Variants in ERP44 observed in about 807,000 individuals in gnomAD.
ERP44 encodes endoplasmic reticulum resident protein 44.
In ERP44, 25 loss-of-function variants were observed where a neutral mutation model predicts 53.4. The observed-to-expected ratio is 0.47, with a 90% CI of 0.34 to 0.65. The LOEUF is 0.65. ERP44 is among the 30% of genes least tolerant of loss of function. The pLI, the probability that ERP44 is intolerant of heterozygous loss-of-function variation, is 0.01. For missense variants in ERP44, 338 were observed against 493.2 expected, an observed-to-expected ratio of 0.69 and a Z score of 2.98; for synonymous variants, 145 against 161.2, an observed-to-expected ratio of 0.90 and a Z score of 0.76.
chr9:100,010,915 A>C (rs1156445288), intron 8 of ERP44, among the ~76,000 whole-genome samples: 1 of 151,498 alleles, frequency 6.6e-6, no homozygotes, highest in Admixed American at 6.6e-5. Context: ...AAAAAAAAAA[A>C]AGAGAAAAGC....
At chr9:100,067,968 G>A (rs1240621948) in intron 1 of ERP44, among the ~76,000 whole-genome samples, 4 of 150,218 alleles carry the variant, frequency 2.7e-5, no homozygotes, top group African/African-American at 9.8e-5. Context: ...CAGCCACCCC[G>A]TCCGGGAGGG....
chr9:99,996,592 C>A (rs565195029), intron 10 of ERP44, among the ~76,000 whole-genome samples: 1 of 151,900 alleles, frequency 6.6e-6, no homozygotes. Context: ...TTAGTAAGTT[C>A]TTTAGTGGTG....
intron 1 of ERP44, among the ~76,000 whole-genome samples, chr9:100,078,035 A>G (rs1826378255): frequency 6.6e-6 from 1 of 152,264 alleles, no homozygotes; most frequent in Non-Finnish European, 1.5e-5. Flanking sequence ...CAGAATGGGT[A>G]GAACAAGGCA....
chr9:100,014,782 A>G (rs1409483579), intron 8 of ERP44, among the ~76,000 whole-genome samples: 1 of 152,248 alleles, frequency 6.6e-6, no homozygotes, highest in Non-Finnish European at 1.5e-5. Flanking sequence ...AAAGGCTAAC[A>G]TACTTACTAT....
chr9:100,061,295 T>C (rs1826144050), intron 1 of ERP44, among the ~76,000 whole-genome samples: 1 of 151,648 alleles, frequency 6.6e-6, no homozygotes, highest in South Asian at 2.1e-4. Flanking sequence ...AATACAAAAA[T>C]TAGCCGGGCA....
chr9:100,065,015 G>A (rs931799172), intron 1 of ERP44, among the ~76,000 whole-genome samples: 122 of 152,068 alleles, frequency 8.0e-4, no homozygotes, highest in African/African-American at 2.9e-3. Context: ...TTTAAAATAC[G>A]TTTAGTATTG....
At chr9:100,096,414 A>G (rs1213654952) in intron 1 of ERP44, among the ~76,000 whole-genome samples, 1 of 151,690 alleles carries the variant, frequency 6.6e-6, no homozygotes, top group East Asian at 1.9e-4. Flanking sequence ...TATATAAAAG[A>G]TATATATACA....
chr9:100,048,074 A>G (rs1444415693), intron 4 of ERP44, among the ~76,000 whole-genome samples: 3 of 152,102 alleles, frequency 2.0e-5, no homozygotes, highest in Non-Finnish European at 1.5e-5. Context: ...ATAAACAAAC[A>G]AACGAACAAA....
At position 100,074,414 on chromosome 9, in the gene ERP44, G is replaced by A. The variant is rs1008637697; in HGVS notation, c.58-14242C>T. 5.3e-5 allele frequency among the ~76,000 whole-genome samples: 8 copies of A among 152,248 alleles called. No individual in the cohort carries two copies. In the South Asian group the frequency reaches 1.0e-3, roughly 20 times the overall value. ...GGCTAATTAATCACGGTGTTCCTAG[G>A]AGTGAAATTGATAGGAAGCCTACTG... On this transcript the variant is annotated intron_variant, in intron 1 of 11. Transcript: ENST00000262455.
chr9:100,042,175 T>A (rs915438074), intron 4 of ERP44, among the ~76,000 whole-genome samples: 6 of 152,186 alleles, frequency 3.9e-5, no homozygotes, highest in African/African-American at 1.2e-4. Flanking sequence ...AAGGGATTAA[T>A]AATGAAAATA....
chr9:100,079,507 T>C (rs1396261233), intron 1 of ERP44, among the ~76,000 whole-genome samples: 6 of 151,750 alleles, frequency 4.0e-5, no homozygotes, highest in Admixed American at 3.9e-4. Context: ...AAACATATTG[T>C]TCACTGCCAC....
intron 1 of ERP44, among the ~76,000 whole-genome samples, chr9:100,064,268 T>C (rs562690858): frequency 6.6e-6 from 1 of 152,304 alleles, no homozygotes; most frequent in East Asian, 1.9e-4. Context: ...ACCCTGTTTG[T>C]ACACAAGAAA....
chr9:99,983,440 G>C (rs1270994382), intron 11 of ERP44, among the ~76,000 whole-genome samples: 1 of 151,298 alleles, frequency 6.6e-6, no homozygotes, highest in Non-Finnish European at 1.5e-5. Context: ...AGCTACTCGG[G>C]AGGCTGAGGC....
intron 4 of ERP44, among the ~76,000 whole-genome samples, chr9:100,026,226 G>T (rs1411734155): frequency 6.6e-6 from 1 of 152,190 alleles, no homozygotes; most frequent in Non-Finnish European, 1.5e-5. Context: ...GGGTCACAAA[G>T]ACGAAAAATC....
chr9:100,051,815 G>A (rs1259851679), intron 4 of ERP44, among the ~76,000 whole-genome samples: 1 of 152,128 alleles, frequency 6.6e-6, no homozygotes, highest in Non-Finnish European at 1.5e-5. Context: ...GGATTTTATA[G>A]AGAATGCTCC....
At chr9:100,096,525 A>G (rs1826631958) in intron 1 of ERP44, among the ~76,000 whole-genome samples, 1 of 152,116 alleles carries the variant, frequency 6.6e-6, no homozygotes, top group Admixed American at 6.5e-5. Context: ...AAATGCTTTG[A>G]GATCAGGGAA....
chr9:100,068,203 G>C, intron 1 of ERP44, among the ~76,000 whole-genome samples: 1 of 149,464 alleles, frequency 6.7e-6, no homozygotes, highest in South Asian at 2.1e-4. Context: ...CGGGAGGGAG[G>C]TAGGGGGGTC....
intron 10 of ERP44, chr9:99,999,159 G>A (rs1003055543): frequency 3.6e-6 from 2 of 549,882 alleles, no homozygotes. Context: ...CCAGGGCTCC[G>A]CCCCCCGACC....
At chr9:100,022,271 G>A (rs1463141503) in intron 4 of ERP44, 45 bp from the exon 5 acceptor site, 2 of 1,488,272 alleles carry the variant, frequency 1.3e-6, no homozygotes, top group Non-Finnish European at 9.0e-7. Context: ...TGTAGTCAGG[G>A]CAAGCCTGTT....
Sources: allele counts gnomAD v4.1 joint callset (sites outside exome capture counted in the v4.1 genomes callset), GRCh38; gene constraint gnomAD v4.1.1; transcripts MANE v1.5; gene names NCBI Gene and HGNC (gene_info 2026-07-23, HGNC 2026-07-21).